HAO2: variants seen among roughly 807,000 people sequenced by gnomAD.
HAO2 encodes the protein 2-Hydroxyacid oxidase 2.
HAO2 carries 42 observed loss-of-function variants against 37.4 expected under a neutral mutation model. The ratio of observed to expected loss-of-function variants is 1.12; its 90% CI spans 0.88 to 1.45. The LOEUF (loss-of-function observed/expected upper bound fraction) is 1.45. Ranked by LOEUF, HAO2 falls within the 40% of genes most tolerant of loss-of-function variation. The pLI, the probability that HAO2 is intolerant of heterozygous loss-of-function variation, is 0.00. For missense variants in HAO2, 476 were observed against 430.2 expected, an observed-to-expected ratio of 1.11 and a Z score of -0.94; for synonymous variants, 180 against 162.8, an observed-to-expected ratio of 1.11 and a Z score of -0.81.
chr1:119,385,696 T>C (rs1185867971), intron 4 of HAO2: 3 of 985,138 alleles, frequency 3.0e-6, no homozygotes, highest in East Asian at 1.1e-4. Flanking sequence ...GAGACAGCCA[T>C]GATAAAGTGG....
chr1:119,382,107 G>C (rs944665418), intron 2 of HAO2, among the ~76,000 whole-genome samples: 10 of 152,146 alleles, frequency 6.6e-5, no homozygotes, highest in Admixed American at 4.6e-4. Context: ...TTCATACTTA[G>C]TTAGCACTAT....
At chr1:119,372,388 A>G (rs189484188) in intron 1 of HAO2, among the ~76,000 whole-genome samples, 247 of 152,352 alleles carry the variant, frequency 1.6e-3, no homozygotes, top group African/African-American at 5.7e-3. Flanking sequence ...GTCTAATGCG[A>G]CTTCAAAATT....
In HAO2 at chr1:119,379,792, G is replaced by C. The variant is rs190789731; in HGVS notation, c.-8-1286G>C. On this transcript the variant is annotated intron_variant, in intron 1 of 7. Coordinates refer to ENST00000325945, the MANE Select transcript of HAO2 (RefSeq NM_016527.4). ...TTCTTCCTGCTTGGCCCTTAAGTAC[G>C]TGCTAAGGCTACTTCTCTGTTTGAC... Among the ~76,000 whole-genome samples, 18 of 152,078 alleles carry C rather than the reference G, an allele frequency of 1.2e-4. No individual in the cohort carries two copies. The South Asian group carries it at 3.5e-3, about 30-fold the overall frequency.
At chr1:119,378,338 C>T (rs587718978) in intron 1 of HAO2, among the ~76,000 whole-genome samples, 2 of 152,260 alleles carry the variant, frequency 1.3e-5, no homozygotes, top group East Asian at 3.9e-4. Flanking sequence ...TCAATTACCT[C>T]CCACCAGGCC....
Position 119,382,961 on chromosome 1 carries a change from A to C in HAO2, c.178A>C (p.Thr60Pro). 1.2e-6 allele frequency: 2 copies of C among 1,613,486 alleles called. No homozygotes were observed. Among genetic ancestry groups the C allele is most frequent in the Non-Finnish European group, 1.7e-6 (2 of 1,179,490 alleles). ...CCTGAGAGATGTGTCTGAGGTGGACACCAGAACCACAATCCAAGGGGAGGA... is the reference window on the plus strand; with the variant it reads ...CCTGAGAGATGTGTCTGAGGTGGACCCCAGAACCACAATCCAAGGGGAGGA... ...RYLRDVSEVD[T>P]RTTIQGEEIS... Residue 60 changes from threonine (T) to proline (P), a missense_variant, in exon 3 of 8, where the codon ACC becomes CCC. Transcript: ENST00000325945.
rs191183051 is a variant in HAO2 at position 119,389,843 on chromosome 1, G to A, written c.772-2267G>A. ...TTTTACTGTATTTGCTTTTGGGTTC[G>A]TGGTCATAAAATCCTTGCCTAAGCC... On this transcript the variant is annotated intron_variant, in intron 5 of 7. Coordinates refer to ENST00000325945, the MANE Select transcript of HAO2 (RefSeq NM_016527.4). 7.2e-5 allele frequency among the ~76,000 whole-genome samples: 11 copies of A among 152,136 alleles called. No homozygotes were observed. The East Asian group carries it at 1.9e-3, about 27-fold the overall frequency.
intron 1 of HAO2, among the ~76,000 whole-genome samples, chr1:119,377,553 G>C (rs772622975): frequency 6.6e-6 from 1 of 152,040 alleles, no homozygotes; most frequent in Admixed American, 6.6e-5. Context: ...TTATAGCAGC[G>C]TCCCACTACC....
chr1:119,374,081 T>C (rs939073813), intron 1 of HAO2, among the ~76,000 whole-genome samples: 1 of 152,168 alleles, frequency 6.6e-6, no homozygotes, highest in Non-Finnish European at 1.5e-5. Flanking sequence ...ATCACTGCAA[T>C]GTTAGAAACA....
intron 1 of HAO2, among the ~76,000 whole-genome samples, chr1:119,374,295 T>A (rs919421427): frequency 6.6e-6 from 1 of 152,170 alleles, no homozygotes; most frequent in African/African-American, 2.4e-5. Context: ...GGGACCCTTC[T>A]CCTCTCCCAT....
At chr1:119,376,557 G>T (rs1166615833) in intron 1 of HAO2, among the ~76,000 whole-genome samples, 3 of 152,234 alleles carry the variant, frequency 2.0e-5, no homozygotes, top group African/African-American at 7.2e-5. Context: ...TGGGGACTCT[G>T]TGTGAAGGCT....
intron 5 of HAO2, among the ~76,000 whole-genome samples, chr1:119,389,768 GC>G (rs1650726081): frequency 6.6e-6 from 1 of 151,674 alleles, no homozygotes; most frequent in Non-Finnish European, 1.5e-5. Context: ...CTGTTCCTCT[GC>G]CATACAAAAG....
intron 1 of HAO2, among the ~76,000 whole-genome samples, chr1:119,379,971 G>A (rs1264626621): frequency 6.6e-6 from 1 of 152,138 alleles, no homozygotes; most frequent in East Asian, 1.9e-4. Context: ...ACCCATTCCT[G>A]GTTGAAGCCC....
chr1:119,378,615 G>A (rs1649671074), intron 1 of HAO2, among the ~76,000 whole-genome samples: 1 of 152,186 alleles, frequency 6.6e-6, no homozygotes, highest in East Asian at 1.9e-4. Context: ...TAAGATGCTA[G>A]GGTTGATTCT....
chr1:119,385,620 G>C (rs939298289), intron 4 of HAO2: 4 of 985,052 alleles, frequency 4.1e-6, no homozygotes, highest in African/African-American at 3.5e-5. Context: ...CTCTGAACTA[G>C]GTGACTACAA....
At chr1:119,388,840 T>C (rs1403739658) in intron 5 of HAO2, among the ~76,000 whole-genome samples, 2 of 151,858 alleles carry the variant, frequency 1.3e-5, no homozygotes, top group Non-Finnish European at 2.9e-5. Flanking sequence ...GTAAGTTCTT[T>C]AGTGGTGATT....
At chr1:119,388,393 G>C (rs587626115) in intron 5 of HAO2, among the ~76,000 whole-genome samples, 1 of 152,308 alleles carries the variant, frequency 6.6e-6, no homozygotes, top group East Asian at 1.9e-4. Context: ...GAATAACTGA[G>C]TAATGAGTAG....
intron 1 of HAO2, among the ~76,000 whole-genome samples, chr1:119,374,170 T>C (rs1343704055): frequency 6.6e-6 from 1 of 152,206 alleles, no homozygotes; most frequent in Non-Finnish European, 1.5e-5. Flanking sequence ...CTCTTCCCCA[T>C]GCTGGGGGCT....
intron 4 of HAO2, 109 bp downstream of exon 4, chr1:119,385,162 G>A (rs1169799204): frequency 1.4e-6 from 2 of 1,479,530 alleles, no homozygotes; most frequent in South Asian, 1.4e-5. Flanking sequence ...TCGAACACCT[G>A]CTCTGTGCCA....
At chr1:119,375,767 G>A (rs755711494) in intron 1 of HAO2, among the ~76,000 whole-genome samples, 22 of 152,180 alleles carry the variant, frequency 1.4e-4, no homozygotes, top group Non-Finnish European at 2.8e-4. Context: ...AGTCTTACAT[G>A]GTGGCAGGCA....
Sources: allele counts gnomAD v4.1 joint callset (sites outside exome capture counted in the v4.1 genomes callset), GRCh38; gene constraint gnomAD v4.1.1; transcripts MANE v1.5; gene names NCBI Gene and HGNC (gene_info 2026-07-23, HGNC 2026-07-21).